The following NSMCE2 variants were observed in gnomAD, a reference collection of about 807,000 sequenced individuals.
The protein encoded by NSMCE2 is NSE2 SUMO ligase component of SMC5/6 complex, also known as E3 SUMO-protein ligase NSE2.
In NSMCE2, 24 loss-of-function variants were observed where a neutral mutation model predicts 23.8. That is an observed-to-expected ratio of 1.01 (90% CI 0.73 to 1.42). The LOEUF is 1.42. NSMCE2 is among the 40% of genes most tolerant of loss of function. The pLI, the probability that NSMCE2 is intolerant of heterozygous loss-of-function variation, is 0.00. For missense variants in NSMCE2, 284 were observed against 296.5 expected, an observed-to-expected ratio of 0.96 and a Z score of 0.31; for synonymous variants, 92 against 94.1, an observed-to-expected ratio of 0.98 and a Z score of 0.13.
chr8:125,150,426 CTTTTTTTT>C (rs71295819), intron 3 of NSMCE2, among the ~76,000 whole-genome samples: 5,924 of 61,954 alleles, frequency 0.096, 68 homozygotes, highest in South Asian at 0.24. Flanking sequence ...TTCTTTCTTT[CTTTTTTTT>C]TTTTTTTTTT....
chr8:125,247,492 A>G (rs1475156645), intron 5 of NSMCE2, among the ~76,000 whole-genome samples: 1 of 152,096 alleles, frequency 6.6e-6, no homozygotes, highest in African/African-American at 2.4e-5. Context: ...GGGGAGCCCA[A>G]GGCCGGTGGA....
chr8:125,178,703 T>G (rs1822620676), intron 4 of NSMCE2, among the ~76,000 whole-genome samples: 1 of 152,058 alleles, frequency 6.6e-6, no homozygotes, highest in Admixed American at 6.6e-5. Context: ...ACCCCGTTTC[T>G]ACTAAAAATA....
chr8:125,148,853 A>G (rs558025332), intron 3 of NSMCE2, among the ~76,000 whole-genome samples: 18 of 152,236 alleles, frequency 1.2e-4, no homozygotes, highest in Non-Finnish European at 2.1e-4. Context: ...ATTTACTGAA[A>G]TGTAACTAAG....
chr8:125,308,329 T>C (rs944369909), intron 5 of NSMCE2, among the ~76,000 whole-genome samples: 2 of 152,146 alleles, frequency 1.3e-5, no homozygotes, highest in African/African-American at 4.8e-5. Context: ...GGGGAAAAAA[T>C]CCTAAGTAAA....
chr8:125,137,309 G>A (rs1364465182), intron 3 of NSMCE2, among the ~76,000 whole-genome samples: 6 of 152,090 alleles, frequency 3.9e-5, no homozygotes, highest in Non-Finnish European at 8.8e-5. Context: ...TCAACTTCTT[G>A]TCAGATATCT....
intron 5 of NSMCE2, among the ~76,000 whole-genome samples, chr8:125,336,100 T>C (rs1830055842): frequency 6.6e-6 from 1 of 151,684 alleles, no homozygotes; most frequent in Non-Finnish European, 1.5e-5. Context: ...CCACTCCTGG[T>C]AGAAAGGAAC....
chr8:125,195,247 A>C (rs1294701266), intron 5 of NSMCE2, among the ~76,000 whole-genome samples: 3 of 152,102 alleles, frequency 2.0e-5, no homozygotes, highest in Admixed American at 1.3e-4. Context: ...TCTCTACCCC[A>C]GAGATTCAGA....
intron 3 of NSMCE2, among the ~76,000 whole-genome samples, chr8:125,144,011 T>C (rs901251513): frequency 2.6e-5 from 4 of 152,090 alleles, no homozygotes; most frequent in East Asian, 1.9e-4. Context: ...AATGAAGTAG[T>C]ATAGAGATAA....
chr8:125,366,748 A>C lies in NSMCE2; in HGVS notation c.627-20A>C. 3 of 1,396,812 alleles carry C rather than the reference A, an allele frequency of 2.1e-6. No homozygotes were observed. Among genetic ancestry groups the C allele is most frequent in the Non-Finnish European group, 2.0e-6 (2 of 982,180 alleles). 86.5% of individuals were successfully genotyped at this position (1,396,812 alleles called of 1,614,324 possible). ...TAAGGCAGTAAAGGGGACTGACTTG[A>C]TGTTCTTTCTTTCTCACAGTTGCCC... is the stretch of plus-strand genomic sequence containing the variant. On this transcript the variant is annotated intron_variant, in intron 7 of 7. Transcript: ENST00000287437.
At chr8:125,187,633 C>T (rs546158074) in intron 5 of NSMCE2, among the ~76,000 whole-genome samples, 9 of 152,220 alleles carry the variant, frequency 5.9e-5, no homozygotes, top group East Asian at 1.9e-4. Context: ...TTACCTGTTA[C>T]GTGACTATCA....
intron 3 of NSMCE2, among the ~76,000 whole-genome samples, chr8:125,129,541 GCT>G (rs1491549881): frequency 8.5e-5 from 10 of 116,998 alleles, no homozygotes; most frequent in Admixed American, 5.8e-4. Context: ...AAAAGATTTG[GCT>G]CTGTGTGTGT....
intron 5 of NSMCE2, among the ~76,000 whole-genome samples, chr8:125,252,303 C>A (rs943058789): frequency 2.0e-5 from 3 of 152,152 alleles, no homozygotes; most frequent in Non-Finnish European, 4.4e-5. Context: ...CCAAGGGGGG[C>A]AGATCACAAG....
intron 5 of NSMCE2, among the ~76,000 whole-genome samples, chr8:125,235,146 C>T (rs1586650947): frequency 1.3e-5 from 2 of 151,838 alleles, no homozygotes; most frequent in African/African-American, 2.4e-5. Flanking sequence ...GAGGCTGAGG[C>T]GGGAGAATCA....
intron 5 of NSMCE2, among the ~76,000 whole-genome samples, chr8:125,258,529 T>G (rs560042265): frequency 3.8e-4 from 57 of 149,770 alleles, no homozygotes; most frequent in Middle Eastern, 3.4e-3. Context: ...GAAAGCAGCC[T>G]CAGCCTGGAC....
rs948847220 is a variant in NSMCE2, at chr8:125,313,485, G to A, written c.419-43734G>A. Reference sequence around the variant, plus strand: ...GGATCTGTATGCCAAATCTCAACCAGCTGTAAGCTCCAAATTTGTATTTGA... The same window carrying A: ...GGATCTGTATGCCAAATCTCAACCAACTGTAAGCTCCAAATTTGTATTTGA... On this transcript the variant is annotated intron_variant, in intron 5 of 7. Coordinates refer to ENST00000287437, the MANE Select transcript of NSMCE2 (RefSeq NM_173685.4). Among the ~76,000 whole-genome samples the A allele has an allele frequency of 2.6e-5, 4 of 152,292 alleles. No individual in the cohort carries two copies. In the East Asian group the frequency reaches 7.7e-4, roughly 29 times the overall value.
chr8:125,130,182 A>G (rs1819696034), intron 3 of NSMCE2: 1 of 453,318 alleles, frequency 2.2e-6, no homozygotes, highest in Non-Finnish European at 4.4e-6. Flanking sequence ...AGTTTGTCTG[A>G]TGTCTTATTA....
intron 5 of NSMCE2, among the ~76,000 whole-genome samples, chr8:125,248,390 A>G (rs1826074424): frequency 6.6e-6 from 1 of 152,210 alleles, no homozygotes; most frequent in African/African-American, 2.4e-5. Context: ...TAAAGAACTG[A>G]AACTGCAAGG....
At chr8:125,285,157 T>G (rs1238961966) in intron 5 of NSMCE2, among the ~76,000 whole-genome samples, 1 of 152,238 alleles carries the variant, frequency 6.6e-6, no homozygotes, top group African/African-American at 2.4e-5. Flanking sequence ...CAGTTTGCTT[T>G]GGAAAGCAAC....
At chr8:125,307,732 G>T (rs1012803804) in intron 5 of NSMCE2, among the ~76,000 whole-genome samples, 1 of 152,176 alleles carries the variant, frequency 6.6e-6, no homozygotes, top group Non-Finnish European at 1.5e-5. Context: ...GTATAAAGGG[G>T]TTTTGACTAA....
Sources: allele counts gnomAD v4.1 joint callset (sites outside exome capture counted in the v4.1 genomes callset), GRCh38; gene constraint gnomAD v4.1.1; transcripts MANE v1.5; gene names NCBI Gene and HGNC (gene_info 2026-07-23, HGNC 2026-07-21).